Variants in VCAN observed in about 807,000 individuals in gnomAD.
The protein encoded by VCAN is versican, also known as versican core protein.
VCAN carries 44 observed loss-of-function variants against 245.5 expected under a neutral mutation model. The observed-to-expected ratio is 0.18, with a 90% CI of 0.14 to 0.23. VCAN has a LOEUF of 0.23. Among genes scored for constraint, VCAN ranks in the 10% least tolerant of loss-of-function variants. VCAN has a pLI of 1.00. For missense variants in VCAN, 3,793 were observed against 4,057.9 expected (o/e 0.93, Z 1.77); for synonymous variants, 1,413 against 1,437.0 (o/e 0.98, Z 0.38).
Position 83,537,211 on chromosome 5 carries a change from C to T in VCAN, c.4208C>T (p.Thr1403Ile). Residue 1403 changes from threonine (T) to isoleucine (I), a missense_variant, in exon 8 of 15, where the codon ACA becomes ATA. By Grantham distance (89) the Thr-to-Ile change is moderately conservative (BLOSUM62 -1). Coordinates refer to ENST00000265077, the MANE Select transcript of VCAN (RefSeq NM_004385.5). ...EEECANATDVTTTPSVQYING... is the reference protein window; with the variant it reads ...EEECANATDVITTPSVQYING... The stretch of plus-strand genomic sequence containing the variant: ...GAGTGTGCAAATGCTACTGATGTGA[C>T]AACCACCCCATCTGTGCAGTACATA... 6.2e-7 allele frequency: 1 copy of T among 1,613,736 alleles called. No individual in the cohort carries two copies. The highest frequency in any genetic ancestry group is 8.5e-7 in the Non-Finnish European group (1 of 1,179,906).
At position 83,539,707 on chromosome 5, in the gene VCAN, A is replaced by T. The variant is rs1746887068; in HGVS notation, c.6704A>T (p.His2235Leu). ...ATCAAAAAGGAAGAAAGTACAAAAC[A>T]TTTTCCGAAAGGCATGAGACCAACA... The part of the protein sequence containing the change: ...SPIKKEESTK[H>L]FPKGMRPTIQ... The change falls in exon 8 of 15, where the codon CAT (histidine) becomes CTT (leucine). Residue 2235 changes from histidine to leucine, a missense_variant. By Grantham distance (99) the His-to-Leu change is moderately conservative. This residue lies in a region of VCAN where 3,182 missense variants were observed against 3,250.3 expected (regional missense o/e 0.98). Transcript: ENST00000265077. 1 of 1,613,666 alleles carries T rather than the reference A, an allele frequency of 6.2e-7. No individual in the cohort carries two copies. The highest frequency in any genetic ancestry group is 8.5e-7 in the Non-Finnish European group (1 of 1,179,982).
chr5:83,523,959 A>G (rs1007456373), intron 7 of VCAN, among the ~76,000 whole-genome samples: 1 of 152,198 alleles, frequency 6.6e-6, no homozygotes, highest in Non-Finnish European at 1.5e-5. Context: ...ACTTAGTTTC[A>G]TAATTTAAAA....
intron 7 of VCAN, chr5:83,536,391 C>G (rs949016679): frequency 2.6e-5 from 4 of 152,040 alleles, no homozygotes; most frequent in African/African-American, 9.7e-5. Context: ...GTAGAGGATG[C>G]CATTGCAATG....
Position 83,540,243 on chromosome 5 carries a change from T to C in VCAN, c.7240T>C (p.Phe2414Leu). 6.2e-7 allele frequency: 1 copy of C among 1,614,086 alleles called. No homozygotes were observed. Among genetic ancestry groups the C allele is most frequent in the Non-Finnish European group, 8.5e-7 (1 of 1,179,998 alleles). ...RAYGFEMAKE[F>L]VTSAPKPSDL... ...TTATGGTTTTGAAATGGCCAAAGAA[T>C]TTGTTACATCAGCACCAAAACCATC... is the stretch of plus-strand genomic sequence containing the variant. Residue 2414 changes from phenylalanine (F) to leucine (L), a missense_variant, in exon 8 of 15, where the codon TTT (phenylalanine) becomes CTT (leucine). Phe to Leu is a conservative substitution (Grantham distance 22). Around this residue, in one of 5 missense-constraint regions of VCAN, gnomAD observed 3,182 missense variants for 3,250.3 expected, o/e 0.98. Coordinates refer to ENST00000265077, the MANE Select transcript of VCAN (RefSeq NM_004385.5).
At chr5:83,536,751 GT>G (rs1746727128) in intron 7 of VCAN, 1 of 311,562 alleles carries the variant, frequency 3.2e-6, no homozygotes, top group African/African-American at 2.1e-5. Flanking sequence ...TAAGGACTAT[GT>G]TGTTTTCTTA....
intron 6 of VCAN, chr5:83,512,876 CAA>C: frequency 6.5e-6 from 1 of 154,880 alleles, no homozygotes; most frequent in Middle Eastern, 3.4e-3. Context: ...TCAAAATGTT[CAA>C]GTCATAACTA....
At position 83,539,647 on chromosome 5, in the gene VCAN, C is replaced by G; in HGVS notation, c.6644C>G (p.Ser2215Cys). 6.2e-7 allele frequency: 1 copy of G among 1,613,960 alleles called. No individual in the cohort carries two copies. Among genetic ancestry groups the G allele is most frequent in the Non-Finnish European group, 8.5e-7 (1 of 1,179,988 alleles). ...FFLATALVTESIPAEHVVTDS... is the reference protein window; with the variant it reads ...FFLATALVTECIPAEHVVTDS... ...TTAGCTACTGCATTAGTAACTGAAT[C>G]TATACCAGCTGAACATGTAGTCACA... Residue 2215 changes from serine to cysteine, a missense_variant, in exon 8 of 15, where the codon TCT becomes TGT. By Grantham distance (112) the Ser-to-Cys change is moderately radical. This residue lies in a region of VCAN where 3,182 missense variants were observed against 3,250.3 expected (regional missense o/e 0.98). Transcript: ENST00000265077.
intron 1 of VCAN, among the ~76,000 whole-genome samples, chr5:83,481,189 A>G (rs1366339445): frequency 1.3e-5 from 2 of 151,720 alleles, no homozygotes; most frequent in Non-Finnish European, 2.9e-5. Flanking sequence ...AATTTTCCTG[A>G]AGAAAAGTAG....
At chr5:83,552,526 T>C (rs535621386) in intron 10 of VCAN, among the ~76,000 whole-genome samples, 1 of 152,318 alleles carries the variant, frequency 6.6e-6, no homozygotes, top group East Asian at 1.9e-4. Flanking sequence ...TGTGGAATTA[T>C]GTAAAAATTG....
At position 83,538,480 on chromosome 5, in the gene VCAN, G is replaced by A. The variant is rs188703; in HGVS notation, c.5477G>A (p.Arg1826His). The A allele has an allele frequency of 0.38, 612,396 of 1,613,642 alleles. 117,577 individuals carry two copies. Among genetic ancestry groups the A allele is most frequent in the Admixed American group, 0.45 (26,942 of 59,950 alleles). ...GVQEGLTTLP[R>H]SPASVFMEQG... The stretch of plus-strand genomic sequence containing the variant: ...CAGGAAGGGCTGACCACTCTCCCAC[G>A]TAGTCCTGCCTCTGTCTTTATGGAG... Residue 1826 changes from arginine to histidine, a missense_variant, in exon 8 of 15, where the codon CGT (arginine) becomes CAT (histidine). Arg to His is a conservative substitution (Grantham distance 29). Around this residue, in one of 5 missense-constraint regions of VCAN, gnomAD observed 3,182 missense variants for 3,250.3 expected, o/e 0.98. Transcript: ENST00000265077.
chr5:83,571,772 A>G (rs941502780), intron 12 of VCAN, among the ~76,000 whole-genome samples: 1 of 152,204 alleles, frequency 6.6e-6, no homozygotes, highest in African/African-American at 2.4e-5. Context: ...ACTCAACTGT[A>G]TGGTGCAAAT....
At chr5:83,545,498 C>T (rs754882208) in intron 8 of VCAN, 39 bp from the exon 9 acceptor site, 93 of 1,546,230 alleles carry the variant, frequency 6.0e-5, no homozygotes, top group Middle Eastern at 1.7e-4. Flanking sequence ...ACATTAGAGA[C>T]GAGCCTAACT....
chr5:83,473,102 G>T (rs1446547106), intron 1 of VCAN, among the ~76,000 whole-genome samples: 1 of 152,108 alleles, frequency 6.6e-6, no homozygotes, highest in Non-Finnish European at 1.5e-5. Flanking sequence ...AGCGGCGCGC[G>T]CGTGTGCCGG....
At position 83,537,947 on chromosome 5, in the gene VCAN, T is replaced by A. The variant is rs534250394; in HGVS notation, c.4944T>A (p.Asp1648Glu). The change falls in exon 8 of 15, where the codon GAT becomes GAA. Residue 1648 changes from aspartate to glutamate, a missense_variant. This residue lies in a region of VCAN where 3,182 missense variants were observed against 3,250.3 expected (regional missense o/e 0.98). Coordinates refer to ENST00000265077, the MANE Select transcript of VCAN (RefSeq NM_004385.5). Reference sequence around the variant, plus strand: ...AAGGCTCTGGAGAAGCAGAAGAAGATGAAGATACAATGTTCACCATGGTAA... The same window carrying A: ...AAGGCTCTGGAGAAGCAGAAGAAGAAGAAGATACAATGTTCACCATGGTAA... ...ITEGSGEAEE[D>E]EDTMFTMVTD... 62 of 1,613,776 alleles carry A rather than the reference T, an allele frequency of 3.8e-5. 1 individual carries two copies. In the South Asian group the frequency reaches 6.6e-4, roughly 17 times the overall value.
At chr5:83,562,138 A>G (rs1282613299) in intron 12 of VCAN, 1 of 152,204 alleles carries the variant, frequency 6.6e-6, no homozygotes, top group African/African-American at 2.4e-5. Context: ...AACAAGTCAC[A>G]CTGCATATCA....
In VCAN at chr5:83,553,507, C is replaced by A; in HGVS notation, c.9637C>A (p.Gln3213Lys). The change falls in exon 11 of 15, where the codon CAA (glutamine) becomes AAA (lysine). Residue 3213 changes from glutamine (Q) to lysine (K), a missense_variant. Coordinates refer to ENST00000265077, the MANE Select transcript of VCAN (RefSeq NM_004385.5). The stretch of plus-strand genomic sequence containing the variant: ...CACAAGCATCCTGTCTCACGAAGAA[C>A]AAATGTTTGTTAATCGTATGTACCA... Reference protein sequence around the residue: ...HLTSILSHEEQMFVNRVGHDY... With the variant: ...HLTSILSHEEKMFVNRVGHDY... 1.2e-6 allele frequency: 2 copies of A among 1,614,076 alleles called. No homozygotes were observed. Among genetic ancestry groups the A allele is most frequent in the Non-Finnish European group, 1.7e-6 (2 of 1,179,956 alleles).
chr5:83,525,141 G>A, intron 7 of VCAN, among the ~76,000 whole-genome samples: 1 of 149,602 alleles, frequency 6.7e-6, no homozygotes, highest in Non-Finnish European at 1.5e-5. Flanking sequence ...AGCAACTTAC[G>A]GTGCTCTAGC....
In VCAN at chr5:83,522,652, CTG is replaced by C. The variant is rs1746150776; in HGVS notation, c.4003+347_4003+348del. Among the ~76,000 whole-genome samples, 5 of 152,294 alleles carry C rather than the reference CTG, an allele frequency of 3.3e-5. No individual in the cohort carries two copies. The South Asian group carries it at 1.0e-3, about 32-fold the overall frequency. On this transcript the variant is annotated intron_variant, in intron 7 of 14. Coordinates refer to ENST00000265077, the MANE Select transcript of VCAN (RefSeq NM_004385.5). ...ATTACTACTCAAGTGTAGCACTAGACTGTGTTAACATTCCATTGGTCTTTAAC... is the reference window on the plus strand; with the variant it reads ...ATTACTACTCAAGTGTAGCACTAGACTGTTAACATTCCATTGGTCTTTAAC...
At chr5:83,508,097 C>A (rs1412542993) in intron 5 of VCAN, among the ~76,000 whole-genome samples, 2 of 152,178 alleles carry the variant, frequency 1.3e-5, no homozygotes, top group Non-Finnish European at 2.9e-5. Context: ...CATCAGGGTT[C>A]CCTGCTCTGC....
Sources: allele counts gnomAD v4.1 joint callset (sites outside exome capture counted in the v4.1 genomes callset), GRCh38; gene constraint gnomAD v4.1.1; regional missense constraint gnomAD v4.1.1; transcripts MANE v1.5; gene names NCBI Gene and HGNC (gene_info 2026-07-23, HGNC 2026-07-21).